The following SCAPER variants were observed in gnomAD, a reference collection of about 807,000 sequenced individuals.
SCAPER encodes S-phase cyclin A associated protein in the ER, also known as S phase cyclin A-associated protein in the endoplasmic reticulum.
A neutral mutation model predicts 182.2 loss-of-function variants in SCAPER; 98 were observed. The observed-to-expected ratio is 0.54, with a 90% CI of 0.46 to 0.64. SCAPER has a LOEUF of 0.64. Among genes scored for constraint, SCAPER ranks in the 30% least tolerant of loss-of-function variants. The probability of loss-of-function intolerance (pLI) is 0.00; values close to 1 mark genes in which losing one functional copy is unlikely to be tolerated. For synonymous variants in SCAPER, 605 were observed against 564.6 expected, an observed-to-expected ratio of 1.07 and a Z score of -1.01; for missense variants, 1,432 against 1,690.0, an observed-to-expected ratio of 0.85 and a Z score of 2.68.
chr15:76,541,594 T>C (rs1392905920), intron 23 of SCAPER, among the ~76,000 whole-genome samples: 1 of 152,230 alleles, frequency 6.6e-6, no homozygotes, highest in Non-Finnish European at 1.5e-5. Context: ...GGAGAATTAC[T>C]GCCCACTTCT....
At chr15:76,810,409 A>T (rs1428200523) in intron 5 of SCAPER, among the ~76,000 whole-genome samples, 1 of 151,960 alleles carries the variant, frequency 6.6e-6, no homozygotes, top group South Asian at 2.1e-4. Context: ...AAGGGAAGTC[A>T]AGGTGTTATC....
At chr15:76,725,417 TAA>T (rs34802988) in intron 17 of SCAPER, among the ~76,000 whole-genome samples, 1 of 145,014 alleles carries the variant, frequency 6.9e-6, no homozygotes. Context: ...GTGTATACAT[TAA>T]AAAAAAAAAG....
At chr15:76,596,211 A>G (rs1356953548) in intron 22 of SCAPER, among the ~76,000 whole-genome samples, 16 of 119,510 alleles carry the variant, frequency 1.3e-4, no homozygotes, top group African/African-American at 3.8e-4. Context: ...AATCTAGAAG[A>G]AATGGATAAC....
At chr15:76,534,989 A>G (rs1281729869) in intron 23 of SCAPER, among the ~76,000 whole-genome samples, 1 of 152,146 alleles carries the variant, frequency 6.6e-6, no homozygotes, top group Non-Finnish European at 1.5e-5. Context: ...AATGGAATGG[A>G]GGTCACTGCA....
At chr15:76,684,711 G>T (rs1206100752) in intron 20 of SCAPER, among the ~76,000 whole-genome samples, 1 of 151,710 alleles carries the variant, frequency 6.6e-6, no homozygotes, top group African/African-American at 2.4e-5. Flanking sequence ...TAACTTTGCA[G>T]AAGAGACTAA....
intron 5 of SCAPER, among the ~76,000 whole-genome samples, chr15:76,825,749 T>C (rs2067956176): frequency 6.6e-6 from 1 of 152,206 alleles, no homozygotes; most frequent in Admixed American, 6.5e-5. Flanking sequence ...TTTTTTCTTT[T>C]GTTTTGTTTT....
intron 2 of SCAPER, among the ~76,000 whole-genome samples, chr15:76,871,775 G>A (rs1017644039): frequency 3.9e-5 from 6 of 151,902 alleles, no homozygotes; most frequent in Non-Finnish European, 8.8e-5. Flanking sequence ...ACTTTTAGTA[G>A]AGACAGGGTT....
At chr15:76,874,876 T>A (rs985280383) in intron 2 of SCAPER, among the ~76,000 whole-genome samples, 2 of 152,114 alleles carry the variant, frequency 1.3e-5, no homozygotes, top group Admixed American at 1.3e-4. Flanking sequence ...GGCAGGAGGA[T>A]CACTGGAGCC....
At chr15:76,441,096 T>G (rs1391702588) in intron 25 of SCAPER, among the ~76,000 whole-genome samples, 1 of 151,816 alleles carries the variant, frequency 6.6e-6, no homozygotes, top group African/African-American at 2.4e-5. Context: ...TAATTTTTTG[T>G]ATTTTTAGTA....
chr15:76,652,402 A>ATATATATATATATATATATATG, intron 21 of SCAPER, among the ~76,000 whole-genome samples: 1 of 96,622 alleles, frequency 1.0e-5, no homozygotes, highest in Non-Finnish European at 2.0e-5. Context: ...ATATATATAT[A>ATATATATATATATATATATATG]GCACTTTGGA....
intron 20 of SCAPER, among the ~76,000 whole-genome samples, chr15:76,689,540 G>A (rs1185218488): frequency 6.6e-6 from 1 of 151,914 alleles, no homozygotes; most frequent in African/African-American, 2.4e-5. Flanking sequence ...AATCTTAAGA[G>A]ACAATGAATA....
chr15:76,492,885 TGCA>T (rs2052462393), intron 24 of SCAPER, among the ~76,000 whole-genome samples: 1 of 151,178 alleles, frequency 6.6e-6, no homozygotes, highest in Non-Finnish European at 1.5e-5. Context: ...TTTTTTTTTT[TGCA>T]GAAGACAATG....
chr15:76,569,745 C>T (rs1005907858), intron 23 of SCAPER, among the ~76,000 whole-genome samples: 5 of 151,930 alleles, frequency 3.3e-5, no homozygotes, highest in African/African-American at 1.2e-4. Flanking sequence ...TCTCTCCATG[C>T]TCAGTCTGGA....
At chr15:76,703,298 T>G (rs1005549777) in intron 18 of SCAPER, among the ~76,000 whole-genome samples, 4 of 152,226 alleles carry the variant, frequency 2.6e-5, no homozygotes, top group Non-Finnish European at 4.4e-5. Context: ...TGTAGAACTT[T>G]ACAGAACCTC....
At chr15:76,866,338 T>C (rs2072304182) in intron 2 of SCAPER, among the ~76,000 whole-genome samples, 1 of 152,074 alleles carries the variant, frequency 6.6e-6, no homozygotes, top group Non-Finnish European at 1.5e-5. Context: ...CACAAAATAA[T>C]GAGTTTCCAA....
chr15:76,407,931 T>C (rs560593988), intron 26 of SCAPER, among the ~76,000 whole-genome samples: 1 of 152,250 alleles, frequency 6.6e-6, no homozygotes, highest in African/African-American at 2.4e-5. Flanking sequence ...GGCATATTAT[T>C]TCATTTGTAA....
chr15:76,462,933 C>A (rs1567190021), intron 25 of SCAPER, among the ~76,000 whole-genome samples: 1 of 152,144 alleles, frequency 6.6e-6, no homozygotes, highest in Admixed American at 6.5e-5. Flanking sequence ...TGTTAACAGG[C>A]TGTAGAACTT....
chr15:76,883,749 T>C (rs2073701369), intron 2 of SCAPER, 63 bp downstream of exon 2: 1 of 1,309,100 alleles, frequency 7.6e-7, no homozygotes, highest in Non-Finnish European at 1.0e-6. Flanking sequence ...TTAAAAAAGA[T>C]AAAAGAAAGG....
At chr15:76,743,840 TA>T (rs2061668504) in intron 15 of SCAPER, among the ~76,000 whole-genome samples, 1 of 152,142 alleles carries the variant, frequency 6.6e-6, no homozygotes, top group African/African-American at 2.4e-5. Flanking sequence ...AAAGCAATAG[TA>T]AGCAAAAGGA....
Sources: gnomAD v4.1 joint callset for allele counts (sites outside exome capture counted in the v4.1 genomes callset) on GRCh38, gnomAD v4.1.1 for gene constraint, MANE v1.5 for transcripts, NCBI Gene and HGNC (gene_info 2026-07-23, HGNC 2026-07-21) for gene names.